Variants in TENM1 observed in about 807,000 individuals in gnomAD.
The protein encoded by TENM1 is teneurin-1.
In TENM1, 35 loss-of-function variants were observed where a neutral mutation model predicts 174.8. That is an observed-to-expected ratio of 0.20 (90% CI 0.15 to 0.27). The LOEUF is 0.27. TENM1 is among the 10% of genes least tolerant of loss of function. The probability of loss-of-function intolerance (pLI) is 1.00; values close to 1 mark genes in which losing one functional copy is unlikely to be tolerated. For missense variants in TENM1, 1,633 were observed against 2,130.1 expected (o/e 0.77, Z 4.59); for synonymous variants, 781 against 798.7 (o/e 0.98, Z 0.37).
chrX:124,754,404 G>T (rs999036267), intron 3 of TENM1, among the ~76,000 whole-genome samples: 6 of 111,443 alleles, frequency 5.4e-5, no homozygotes, highest in Admixed American at 3.8e-4. Context: ...CTTGCTAGCG[G>T]TCTATCAATT....
chrX:124,941,588 T>C (rs1256506497), intron 1 of TENM1, among the ~76,000 whole-genome samples: 3 of 112,249 alleles, frequency 2.7e-5, no homozygotes, highest in East Asian at 5.6e-4. Flanking sequence ...CCAAGTCTTG[T>C]ATATCTAACT....
At chrX:125,097,661 T>C in the TENM1 span, among the ~76,000 whole-genome samples, 1 of 112,244 alleles carries the variant, frequency 8.9e-6, no homozygotes, top group Admixed American at 9.4e-5. Flanking sequence ...TGATACAATA[T>C]TCCTTATTTT....
At chrX:125,019,077 T>C in the TENM1 span, among the ~76,000 whole-genome samples, 1 of 111,681 alleles carries the variant, frequency 9.0e-6, no homozygotes, top group Non-Finnish European at 1.9e-5. Flanking sequence ...GCACATAAGA[T>C]GATCTGCACT....
At chrX:124,497,362 G>T in intron 19 of TENM1, 97 bp from the exon 23 acceptor site, 3 of 950,501 alleles carry the variant, frequency 3.2e-6, no homozygotes, top group Admixed American at 6.4e-5. Flanking sequence ...TCCCAAGCAG[G>T]AAGGAGCTTT....
chrX:125,194,309 A>C, the TENM1 span, among the ~76,000 whole-genome samples: 2 of 111,291 alleles, frequency 1.8e-5, no homozygotes, highest in African/African-American at 6.5e-5. Context: ...TCCGAGAATC[A>C]TTGATTCTAC....
intron 11 of TENM1, among the ~76,000 whole-genome samples, chrX:124,576,417 G>A (rs2049168009): frequency 9.7e-6 from 1 of 102,944 alleles, no homozygotes; most frequent in Admixed American, 1.0e-4. Context: ...CCATGGGATT[G>A]CTCAGCCATG....
intron 15 of TENM1, among the ~76,000 whole-genome samples, chrX:124,544,317 T>C: frequency 8.9e-6 from 1 of 112,104 alleles, no homozygotes; most frequent in Middle Eastern, 4.6e-3. Context: ...CAGTTCAAAT[T>C]CTGGGTTCGA....
chrX:124,518,497 A>C (rs1057498127), intron 18 of TENM1, among the ~76,000 whole-genome samples: 2 of 110,831 alleles, frequency 1.8e-5, no homozygotes, highest in Admixed American at 1.9e-4. Flanking sequence ...TTCTTAGAGA[A>C]GCTAAGGCAA....
the TENM1 span, among the ~76,000 whole-genome samples, chrX:125,077,894 T>G: frequency 9.0e-6 from 1 of 111,525 alleles, no homozygotes. Flanking sequence ...TGCATCAGAG[T>G]ACTACTTACT....
At chrX:124,733,466 T>G (rs1433733039) in intron 4 of TENM1, among the ~76,000 whole-genome samples, 2 of 112,175 alleles carry the variant, frequency 1.8e-5, no homozygotes, top group Non-Finnish European at 3.8e-5. Context: ...ACTACGTTAG[T>G]TTGATTTTCC....
chrX:124,748,327 T>G (rs1442708913), intron 3 of TENM1, among the ~76,000 whole-genome samples: 1 of 110,217 alleles, frequency 9.1e-6, no homozygotes, highest in Non-Finnish European at 1.9e-5. Context: ...CAAAATGGGT[T>G]GCATGTCAAG....
At chrX:124,622,974 T>G (rs2050552655) in intron 11 of TENM1, among the ~76,000 whole-genome samples, 1 of 112,189 alleles carries the variant, frequency 8.9e-6, no homozygotes, top group Admixed American at 9.5e-5. Flanking sequence ...CCCTCTCTGA[T>G]GTAGAATGTA....
At chrX:124,544,625 T>G (rs1459804823) in intron 15 of TENM1, among the ~76,000 whole-genome samples, 1 of 112,383 alleles carries the variant, frequency 8.9e-6, no homozygotes, top group Non-Finnish European at 1.9e-5. Flanking sequence ...TGTATTAAAT[T>G]GAACTGGATT....
chrX:124,605,867 C>G lies in TENM1; in HGVS notation c.2077+35924G>C, dbSNP rs1464479801. Among the ~76,000 whole-genome samples the G allele has an allele frequency of 2.7e-5, 3 of 111,776 alleles. No homozygotes were observed. In the East Asian group the frequency reaches 8.4e-4, roughly 31 times the overall value. On this transcript the variant is annotated intron_variant, in intron 11 of 31. Coordinates refer to ENST00000422452, the Ensembl canonical transcript of TENM1. ...ATCAAACCAGCTGACTTCTTCTCAT[C>G]TTGTTATTTTTGCTGACTTGAAAAG...
intron 3 of TENM1, among the ~76,000 whole-genome samples, chrX:124,797,692 T>C (rs1219032835): frequency 9.1e-6 from 1 of 110,411 alleles, no homozygotes; most frequent in Non-Finnish European, 1.9e-5. Context: ...TTTTTTTTTT[T>C]AATTTTACTT....
chrX:124,804,813 T>C (rs1053781780), intron 3 of TENM1, among the ~76,000 whole-genome samples: 2 of 112,007 alleles, frequency 1.8e-5, no homozygotes, highest in African/African-American at 6.5e-5. Context: ...CAACAAGTAG[T>C]TATTGAGTGC....
the TENM1 span, among the ~76,000 whole-genome samples, chrX:125,131,368 CTTTG>C: frequency 2.7e-5 from 3 of 111,975 alleles, no homozygotes; most frequent in Non-Finnish European, 3.8e-5. Flanking sequence ...GAGAACACTG[CTTTG>C]TTTAAGGTAT....
At chrX:124,394,822 G>C (rs1292769703) in intron 27 of TENM1, among the ~76,000 whole-genome samples, 3 of 111,801 alleles carry the variant, frequency 2.7e-5, no homozygotes, top group African/African-American at 9.7e-5. Context: ...AGCATTCCTT[G>C]TGTTATTCAA....
At chrX:124,754,412 A>G (rs1031418080) in intron 3 of TENM1, among the ~76,000 whole-genome samples, 1 of 110,997 alleles carries the variant, frequency 9.0e-6, no homozygotes, top group African/African-American at 3.3e-5. Context: ...CGGTCTATCA[A>G]TTTTGTTGAT....
Sources: allele counts gnomAD v4.1 joint callset (sites outside exome capture counted in the v4.1 genomes callset), GRCh38; gene constraint gnomAD v4.1.1; transcripts MANE v1.5; gene names NCBI Gene and HGNC (gene_info 2026-07-23, HGNC 2026-07-21).